The following GLIS3 variants were observed in gnomAD, a reference collection of about 807,000 sequenced individuals.
GLIS3 encodes the protein zinc finger protein GLIS3.
Under a neutral mutation model 78.6 loss-of-function variants are expected in GLIS3, and 53 were observed. The observed-to-expected ratio is 0.67, with a 90% CI of 0.54 to 0.85. The LOEUF is 0.85. Ranked by LOEUF, GLIS3 falls within the 40% of genes least tolerant of loss-of-function variation. The pLI is 0.00. For missense variants in GLIS3, 1,703 were observed against 1,231.1 expected, an observed-to-expected ratio of 1.38 and a Z score of -5.74; for synonymous variants, 684 against 509.9, an observed-to-expected ratio of 1.34 and a Z score of -4.60.
chr9:4,050,259 A>G (rs1345490365), intron 4 of GLIS3, among the ~76,000 whole-genome samples: 8 of 152,210 alleles, frequency 5.3e-5, no homozygotes, highest in Non-Finnish European at 7.3e-5. Flanking sequence ...ATGGAATACT[A>G]TGCAGCCACA....
intron 2 of GLIS3, among the ~76,000 whole-genome samples, chr9:4,322,529 G>A (rs116067449): frequency 3.9e-5 from 6 of 152,122 alleles, no homozygotes; most frequent in African/African-American, 1.4e-4. Flanking sequence ...TAGTGTAAAA[G>A]TCTTCCTATT....
chr9:4,358,475 G>T, the GLIS3 span, among the ~76,000 whole-genome samples: 9 of 152,092 alleles, frequency 5.9e-5, no homozygotes, highest in East Asian at 1.7e-3. Context: ...TAGTATAATT[G>T]GTGGTGATGT....
chr9:3,859,481 AT>A (rs1381848439), intron 8 of GLIS3, among the ~76,000 whole-genome samples: 3 of 152,122 alleles, frequency 2.0e-5, no homozygotes, highest in Non-Finnish European at 2.9e-5. Flanking sequence ...GGTAAATTAA[AT>A]TTTTTTGATG....
At chr9:4,134,267 C>T (rs939587999) in intron 2 of GLIS3, among the ~76,000 whole-genome samples, 2 of 152,126 alleles carry the variant, frequency 1.3e-5, no homozygotes, top group Non-Finnish European at 2.9e-5. Flanking sequence ...CTCAAAGTTT[C>T]CCATTATTTT....
chr9:3,851,361 G>C (rs779355695), intron 9 of GLIS3, among the ~76,000 whole-genome samples: 1 of 152,154 alleles, frequency 6.6e-6, no homozygotes, highest in Non-Finnish European at 1.5e-5. Context: ...AAGGACTAAA[G>C]TGCACTAAGA....
chr9:4,149,944 T>C (rs1487480800), intron 2 of GLIS3, among the ~76,000 whole-genome samples: 45 of 152,360 alleles, frequency 3.0e-4, no homozygotes, highest in Non-Finnish European at 8.8e-5. Flanking sequence ...AGGGATTTAC[T>C]AACTTTTTAT....
At chr9:4,432,765 C>T in the GLIS3 span, among the ~76,000 whole-genome samples, 125 of 151,700 alleles carry the variant, frequency 8.2e-4, 1 homozygote, top group Middle Eastern at 6.8e-3. Flanking sequence ...CTCAGCCTCC[C>T]GAGTAGCTGG....
At chr9:4,154,253 C>G (rs571349087) in intron 2 of GLIS3, among the ~76,000 whole-genome samples, 2 of 152,138 alleles carry the variant, frequency 1.3e-5, no homozygotes, top group Non-Finnish European at 2.9e-5. Context: ...GAAATAGACT[C>G]CATCTCTTGA....
intron 6 of GLIS3, among the ~76,000 whole-genome samples, chr9:3,908,706 G>GTTTTTTTTTTTTTTTTTTT (rs34789708): frequency 9.3e-5 from 8 of 85,562 alleles, no homozygotes; most frequent in African/African-American, 2.7e-4. Context: ...ATTTGTATTT[G>GTTTTTTTTTTTTTTTTTTT]TTTTTTTTTT....
At chr9:3,875,894 T>A (rs1244571225) in intron 8 of GLIS3, among the ~76,000 whole-genome samples, 1 of 152,194 alleles carries the variant, frequency 6.6e-6, no homozygotes, top group African/African-American at 2.4e-5. Context: ...CCTTCCATGA[T>A]TATTTACATT....
intron 4 of GLIS3, among the ~76,000 whole-genome samples, chr9:4,056,986 T>G (rs1826206381): frequency 6.7e-6 from 1 of 150,270 alleles, no homozygotes; most frequent in Non-Finnish European, 1.5e-5. Context: ...ATGTGAATCG[T>G]GCCCCCTAGA....
At chr9:4,489,506 G>A in the GLIS3 span, among the ~76,000 whole-genome samples, 2 of 152,168 alleles carry the variant, frequency 1.3e-5, no homozygotes, top group Non-Finnish European at 2.9e-5. Flanking sequence ...CAGCTGCGGA[G>A]GTACTGATTT....
At chr9:4,395,510 A>T in the GLIS3 span, among the ~76,000 whole-genome samples, 1 of 152,132 alleles carries the variant, frequency 6.6e-6, no homozygotes, top group Non-Finnish European at 1.5e-5. Context: ...CTAGCTGAAG[A>T]AGAAGAATCT....
At chr9:4,295,137 C>T (rs1223878011) in intron 1 of GLIS3, among the ~76,000 whole-genome samples, 2 of 152,142 alleles carry the variant, frequency 1.3e-5, no homozygotes, top group Non-Finnish European at 2.9e-5. Context: ...AAAATCCCAG[C>T]TAAAAGTTGC....
the GLIS3 span, among the ~76,000 whole-genome samples, chr9:4,437,642 C>A: frequency 6.6e-6 from 1 of 152,062 alleles, no homozygotes; most frequent in Admixed American, 6.6e-5. Flanking sequence ...TCTACTTATA[C>A]GCAGATTTTT....
At chr9:4,187,272 T>C (rs1817893710) in intron 2 of GLIS3, among the ~76,000 whole-genome samples, 1 of 152,236 alleles carries the variant, frequency 6.6e-6, no homozygotes, top group Non-Finnish European at 1.5e-5. Context: ...CCATTGCTTG[T>C]TTTTCTCAGG....
chr9:4,268,164 G>A (rs190826173), intron 2 of GLIS3, among the ~76,000 whole-genome samples: 9 of 152,270 alleles, frequency 5.9e-5, no homozygotes, highest in African/African-American at 2.2e-4. Context: ...CTTACAGGCT[G>A]TATGACCTTG....
intron 4 of GLIS3, among the ~76,000 whole-genome samples, chr9:4,040,912 C>G (rs1467211581): frequency 1.3e-5 from 2 of 152,188 alleles, no homozygotes; most frequent in African/African-American, 2.4e-5. Context: ...TGCTTGGAAA[C>G]TTGTTTGAAA....
chr9:4,099,360 T>C (rs1830193499), intron 4 of GLIS3, among the ~76,000 whole-genome samples: 1 of 152,216 alleles, frequency 6.6e-6, no homozygotes, highest in Non-Finnish European at 1.5e-5. Context: ...TTGCTGGCAA[T>C]CTTTGGCTTG....
Sources: allele counts gnomAD v4.1 joint callset (sites outside exome capture counted in the v4.1 genomes callset), GRCh38; gene constraint gnomAD v4.1.1; transcripts MANE v1.5; gene names NCBI Gene and HGNC (gene_info 2026-07-23, HGNC 2026-07-21).